The following ADAMTSL1 variants were observed in gnomAD, a reference collection of about 807,000 sequenced individuals.
ADAMTSL1 encodes ADAMTS like 1, also known as ADAMTS-like protein 1.
Under a neutral mutation model 201.8 loss-of-function variants are expected in ADAMTSL1, and 126 were observed. The observed-to-expected ratio is 0.62, with a 90% CI of 0.54 to 0.72. The LOEUF (loss-of-function observed/expected upper bound fraction) is 0.72, where lower values mean the gene tolerates loss of function less well. ADAMTSL1 is among the 30% of genes least tolerant of loss of function. The pLI, the probability that ADAMTSL1 is intolerant of heterozygous loss-of-function variation, is 0.00. For missense variants in ADAMTSL1, 2,679 were observed against 2,277.8 expected (o/e 1.18, Z -3.59); for synonymous variants, 1,121 against 903.4 (o/e 1.24, Z -4.32).
intron 3 of ADAMTSL1, among the ~76,000 whole-genome samples, chr9:18,534,996 A>G (rs999689371): frequency 6.6e-6 from 1 of 152,274 alleles, no homozygotes; most frequent in East Asian, 1.9e-4. Context: ...ATCTGGAGAC[A>G]TTTTCCCCAT....
intron 1 of ADAMTSL1, among the ~76,000 whole-genome samples, chr9:17,920,745 T>C (rs1238042236): frequency 6.6e-6 from 1 of 152,228 alleles, no homozygotes; most frequent in Non-Finnish European, 1.5e-5. Context: ...GGAAATAGTG[T>C]AAATGTTTTA....
chr9:18,154,532 C>T (rs1029868285), intron 1 of ADAMTSL1, among the ~76,000 whole-genome samples: 3 of 152,074 alleles, frequency 2.0e-5, no homozygotes, highest in African/African-American at 7.2e-5. Context: ...TTCATGTGTA[C>T]ACATATGTGC....
At chr9:18,541,088 G>T (rs79784577) in intron 3 of ADAMTSL1, among the ~76,000 whole-genome samples, 1 of 152,178 alleles carries the variant, frequency 6.6e-6, no homozygotes, top group Non-Finnish European at 1.5e-5. Flanking sequence ...AGTCAGATGG[G>T]ACATGTCTTT....
chr9:18,327,864 A>G (rs916327788), intron 2 of ADAMTSL1, among the ~76,000 whole-genome samples: 3 of 152,204 alleles, frequency 2.0e-5, no homozygotes, highest in Non-Finnish European at 4.4e-5. Flanking sequence ...TTGGCTTTTC[A>G]TTTATTCATT....
intron 26 of ADAMTSL1, among the ~76,000 whole-genome samples, chr9:18,903,723 G>A (rs1037040140): frequency 2.7e-5 from 4 of 150,292 alleles, no homozygotes; most frequent in Non-Finnish European, 5.9e-5. Flanking sequence ...TGATTGATTG[G>A]TGTCAGGAGC....
chr9:18,746,030 C>T (rs1588033540), intron 15 of ADAMTSL1, among the ~76,000 whole-genome samples: 2 of 152,304 alleles, frequency 1.3e-5, no homozygotes, highest in Admixed American at 1.3e-4. Flanking sequence ...GAAAGTTCAA[C>T]TCCAGACATG....
At chr9:17,961,028 G>T (rs964081248) in intron 1 of ADAMTSL1, among the ~76,000 whole-genome samples, 1 of 152,070 alleles carries the variant, frequency 6.6e-6, no homozygotes, top group East Asian at 1.9e-4. Context: ...TATACCATAC[G>T]TCACTTAATT....
At chr9:17,935,960 G>A (rs752238329) in intron 1 of ADAMTSL1, among the ~76,000 whole-genome samples, 2 of 152,090 alleles carry the variant, frequency 1.3e-5, no homozygotes, top group African/African-American at 4.8e-5. Flanking sequence ...CCATCTCTCC[G>A]ATCCTCTCAC....
At chr9:18,271,082 G>T in intron 2 of ADAMTSL1, among the ~76,000 whole-genome samples, 1 of 151,996 alleles carries the variant, frequency 6.6e-6, no homozygotes, top group East Asian at 1.9e-4. Flanking sequence ...TGTAAACAGT[G>T]GAATTTGGGA....
intron 2 of ADAMTSL1, among the ~76,000 whole-genome samples, chr9:18,289,918 C>T (rs910227887): frequency 1.3e-5 from 2 of 152,182 alleles, no homozygotes; most frequent in African/African-American, 4.8e-5. Flanking sequence ...AGGTAACCAG[C>T]TAGTGAGAAA....
At chr9:18,053,719 T>C (rs1417200041) in intron 1 of ADAMTSL1, among the ~76,000 whole-genome samples, 2 of 152,198 alleles carry the variant, frequency 1.3e-5, no homozygotes, top group Non-Finnish European at 2.9e-5. Flanking sequence ...AATAAATATT[T>C]ACTGACCACT....
At chr9:18,277,091 A>T (rs1832614591) in intron 2 of ADAMTSL1, among the ~76,000 whole-genome samples, 2 of 152,242 alleles carry the variant, frequency 1.3e-5, no homozygotes, top group Admixed American at 1.3e-4. Flanking sequence ...GTTTCATACT[A>T]TAGTGGCTAG....
At chr9:18,769,192 G>A (rs959202607) in intron 16 of ADAMTSL1, among the ~76,000 whole-genome samples, 6 of 152,030 alleles carry the variant, frequency 3.9e-5, no homozygotes, top group East Asian at 3.9e-4. Flanking sequence ...CTTGACTGCC[G>A]GCAAAAAACC....
rs957023238 is a variant in ADAMTSL1 at position 18,335,613 on chromosome 9, G to C, written c.208-169216G>C. On this transcript the variant is annotated intron_variant, in intron 2 of 29. Coordinates refer to the ADAMTSL1 transcript ENST00000680146. ...TTCACATGTTCAAGACAATATTACT[G>C]TTCACTATTCCCATTAAATAACCTC... Among the ~76,000 whole-genome samples the C allele has an allele frequency of 7.9e-5, 12 of 152,082 alleles. No homozygotes were observed. In the East Asian group the frequency reaches 9.7e-4, roughly 12 times the overall value.
At chr9:18,229,776 A>G (rs2132401255) in intron 2 of ADAMTSL1, among the ~76,000 whole-genome samples, 1 of 151,542 alleles carries the variant, frequency 6.6e-6, no homozygotes, top group Admixed American at 6.6e-5. Flanking sequence ...GCTCACTGCA[A>G]CCTCCACCTC....
intron 1 of ADAMTSL1, among the ~76,000 whole-genome samples, chr9:18,098,902 C>G (rs1376339279): frequency 6.6e-6 from 1 of 152,148 alleles, no homozygotes; most frequent in Non-Finnish European, 1.5e-5. Context: ...AAACAAAGAT[C>G]CAGGTCAATT....
chr9:18,302,068 T>C (rs1247716701), intron 2 of ADAMTSL1, among the ~76,000 whole-genome samples: 1 of 152,188 alleles, frequency 6.6e-6, no homozygotes, highest in East Asian at 1.9e-4. Flanking sequence ...TAAGGTGTAG[T>C]TGAAGTCCCA....
chr9:18,377,385 T>A (rs1837344908), intron 2 of ADAMTSL1, among the ~76,000 whole-genome samples: 1 of 152,220 alleles, frequency 6.6e-6, no homozygotes, highest in Non-Finnish European at 1.5e-5. Flanking sequence ...AATTATTGTC[T>A]ACATCCAGAT....
At chr9:18,808,299 C>G (rs1408804238) in intron 20 of ADAMTSL1, among the ~76,000 whole-genome samples, 1 of 152,142 alleles carries the variant, frequency 6.6e-6, no homozygotes, top group Non-Finnish European at 1.5e-5. Flanking sequence ...TAACGTTTTT[C>G]TAATAGGTGT....
Sources: gnomAD v4.1 joint callset for allele counts (sites outside exome capture counted in the v4.1 genomes callset) on GRCh38, gnomAD v4.1.1 for gene constraint, MANE v1.5 for transcripts, NCBI Gene and HGNC (gene_info 2026-07-23, HGNC 2026-07-21) for gene names.